OR9Q1: variants seen among roughly 807,000 people sequenced by gnomAD.
OR9Q1 encodes olfactory receptor family 9 subfamily Q member 1.
For synonymous variants in OR9Q1, 153 were observed against 148.6 expected (o/e 1.03, Z -0.22); for missense variants, 374 against 378.8 (o/e 0.99, Z 0.11).
chr11:58,126,293 C>T (rs1854089742), intron 2 of OR9Q1, among the ~76,000 whole-genome samples: 1 of 152,210 alleles, frequency 6.6e-6, no homozygotes, highest in Non-Finnish European at 1.5e-5. Context: ...TGAATAGTCT[C>T]ATCTCCTCTG....
intron 1 of OR9Q1, among the ~76,000 whole-genome samples, chr11:58,048,942 T>C (rs1853249575): frequency 2.1e-5 from 1 of 48,058 alleles, no homozygotes; most frequent in Admixed American, 2.7e-4. Context: ...TCTGAAATTG[T>C]GGCAATAATC....
intron 2 of OR9Q1, chr11:58,124,510 A>G (rs1854069381): frequency 6.6e-6 from 1 of 152,130 alleles, no homozygotes; most frequent in Non-Finnish European, 1.5e-5. Context: ...AGGGTGAAGG[A>G]GCTCAACAAA....
chr11:58,091,920 T>A (rs2120066183), intron 2 of OR9Q1, among the ~76,000 whole-genome samples: 1 of 152,322 alleles, frequency 6.6e-6, no homozygotes, highest in South Asian at 2.1e-4. Context: ...TTTTTGATCT[T>A]TCTTGGTTTA....
intron 2 of OR9Q1, among the ~76,000 whole-genome samples, chr11:58,146,718 T>G (rs561353174): frequency 2.0e-5 from 3 of 152,192 alleles, no homozygotes; most frequent in Non-Finnish European, 4.4e-5. Context: ...AAATTAACGT[T>G]TAAGCAGAGG....
chr11:58,132,650 C>T (rs2119845979), intron 2 of OR9Q1, among the ~76,000 whole-genome samples: 1 of 152,268 alleles, frequency 6.6e-6, no homozygotes, highest in Admixed American at 6.5e-5. Flanking sequence ...AAAGGGTCAC[C>T]TTGGGTTGAT....
chr11:58,037,833 C>A (rs1442150698), intron 1 of OR9Q1, among the ~76,000 whole-genome samples: 2 of 144,216 alleles, frequency 1.4e-5, no homozygotes, highest in African/African-American at 5.1e-5. Flanking sequence ...ATTCTCCTGC[C>A]TCAGCCTCCC....
intron 2 of OR9Q1, among the ~76,000 whole-genome samples, chr11:58,069,730 G>T (rs1036764455): frequency 6.6e-6 from 1 of 151,712 alleles, no homozygotes; most frequent in African/African-American, 2.4e-5. Flanking sequence ...AAAAATTAGG[G>T]TGCAGTGGTA....
At chr11:58,163,197 C>T (rs2119928059) in intron 2 of OR9Q1, among the ~76,000 whole-genome samples, 1 of 152,212 alleles carries the variant, frequency 6.6e-6, no homozygotes, top group South Asian at 2.1e-4. Context: ...AAATCATCTC[C>T]CCTGAATTTT....
At chr11:58,162,193 T>C (rs77080816) in intron 2 of OR9Q1, among the ~76,000 whole-genome samples, 2,936 of 152,354 alleles carry the variant, frequency 0.019, 110 homozygotes, top group African/African-American at 0.067. Flanking sequence ...ATACCATTAT[T>C]GTCATTCATT....
chr11:58,034,074 CTTTTTTTTTTTTTTTTT>C (rs61109050), intron 1 of OR9Q1, among the ~76,000 whole-genome samples: 8 of 61,116 alleles, frequency 1.3e-4, no homozygotes, highest in African/African-American at 4.7e-4. Context: ...TCAGCACTTG[CTTTTTTTTTTTTTTTTT>C]TTTTTTTTTA....
rs1854644903 is a variant in OR9Q1, at chr11:58,179,870, G to A, written c.426G>A (p.Leu142=). The A allele has an allele frequency of 1.2e-6, 2 of 1,614,152 alleles. No homozygotes were observed. Among genetic ancestry groups the A allele is most frequent in the Non-Finnish European group, 8.5e-7 (1 of 1,180,014 alleles). The change falls in exon 3 of 3, where the codon TTG becomes TTA. Residue 142 remains leucine (L), a synonymous_variant. Coordinates refer to ENST00000335397, the MANE Select transcript of OR9Q1 (RefSeq NM_001005212.4). ...YVTILTQQAR[L]SLVAGAYVAG... ...CCATCCTGACACAGCAGGCCCGCTT[G>A]AGTCTTGTGGCTGGGGCTTACGTTG...
intron 2 of OR9Q1, among the ~76,000 whole-genome samples, chr11:58,098,960 G>A (rs1218624744): frequency 6.6e-6 from 1 of 152,006 alleles, no homozygotes; most frequent in African/African-American, 2.4e-5. Flanking sequence ...CCATGCATGA[G>A]TTATTTAGGA....
chr11:58,075,234 C>CA (rs1853528185), intron 2 of OR9Q1, among the ~76,000 whole-genome samples: 1 of 152,098 alleles, frequency 6.6e-6, no homozygotes, highest in African/African-American at 2.4e-5. Flanking sequence ...TCTTCCTATC[C>CA]AGGAGCATAG....
intron 1 of OR9Q1, among the ~76,000 whole-genome samples, chr11:58,028,408 A>G (rs1852996241): frequency 6.6e-6 from 1 of 152,224 alleles, no homozygotes; most frequent in South Asian, 2.1e-4. Context: ...GAAAAATAGT[A>G]AGAATTTATA....
chr11:58,091,953 G>A (rs1230702434), intron 2 of OR9Q1, among the ~76,000 whole-genome samples: 1 of 151,198 alleles, frequency 6.6e-6, no homozygotes, highest in Admixed American at 6.6e-5. Flanking sequence ...TCAGAGACTA[G>A]GATTGCAACC....
At chr11:58,135,924 C>A (rs1459412528) in intron 2 of OR9Q1, among the ~76,000 whole-genome samples, 2 of 152,186 alleles carry the variant, frequency 1.3e-5, no homozygotes, top group African/African-American at 4.8e-5. Flanking sequence ...TCTTCCCATG[C>A]ACTTTCTTGT....
intron 2 of OR9Q1, among the ~76,000 whole-genome samples, chr11:58,101,933 A>G (rs1853787585): frequency 6.6e-6 from 1 of 152,046 alleles, no homozygotes; most frequent in African/African-American, 2.4e-5. Context: ...TTTAGTACAG[A>G]CGGGGTTTCT....
chr11:58,180,414 C>G lies in OR9Q1; in HGVS notation c.*37C>G. ...CTTGGAAAATCCCGAGAACCACCTA[C>G]TCTGTAGTGTCAGAATTCTGGACGC... On this transcript the variant is annotated 3_prime_UTR_variant, in exon 3 of 3. Transcript: ENST00000335397. 4.5e-6 allele frequency: 6 copies of G among 1,320,040 alleles called. No individual in the cohort carries two copies. Among genetic ancestry groups the G allele is most frequent in the Non-Finnish European group, 5.2e-6 (5 of 952,552 alleles). 81.8% of individuals were successfully genotyped at this position (1,320,040 alleles called of 1,614,324 possible).
intron 1 of OR9Q1, among the ~76,000 whole-genome samples, chr11:58,055,320 T>A (rs1038925055): frequency 6.6e-6 from 1 of 152,178 alleles, no homozygotes; most frequent in South Asian, 2.1e-4. Flanking sequence ...TAAGCACCGA[T>A]GAAATTACCT....
Sources: allele counts gnomAD v4.1 joint callset (sites outside exome capture counted in the v4.1 genomes callset), GRCh38; gene constraint gnomAD v4.1.1; transcripts MANE v1.5; gene names NCBI Gene and HGNC (gene_info 2026-07-23, HGNC 2026-07-21).